IQCM: variants seen among roughly 807,000 people sequenced by gnomAD.
IQCM encodes the protein IQ domain-containing protein M.
IQCM carries 45 observed loss-of-function variants against 57.6 expected under a neutral mutation model. The observed-to-expected ratio is 0.78, with a 90% confidence interval of 0.62 to 1.00. IQCM has a LOEUF of 1.00. IQCM is among the 50% of genes least tolerant of loss of function. The pLI is 0.00. For missense variants in IQCM, 468 were observed against 511.6 expected, an observed-to-expected ratio of 0.91 and a Z score of 0.82; for synonymous variants, 148 against 158.9, an observed-to-expected ratio of 0.93 and a Z score of 0.51.
intron 8 of IQCM, among the ~76,000 whole-genome samples, chr4:149,599,479 G>A (rs1003383738): frequency 1.3e-5 from 2 of 151,628 alleles, no homozygotes; most frequent in Non-Finnish European, 2.9e-5. Flanking sequence ...ATGAAGAGAA[G>A]GAAAAAGACA....
intron 13 of IQCM, among the ~76,000 whole-genome samples, chr4:149,408,181 A>G (rs1733118219): frequency 6.6e-6 from 1 of 152,146 alleles, no homozygotes; most frequent in Non-Finnish European, 1.5e-5. Flanking sequence ...TCAATTTACA[A>G]AAAAATAATG....
chr4:149,782,588 AAG>A (rs1477978763), intron 2 of IQCM, among the ~76,000 whole-genome samples: 1 of 151,478 alleles, frequency 6.6e-6, no homozygotes, highest in Non-Finnish European at 1.5e-5. Context: ...GTGTCAGAGC[AAG>A]AGTCTGTCTC....
intron 13 of IQCM, among the ~76,000 whole-genome samples, chr4:149,411,475 T>G (rs1402294186): frequency 6.6e-6 from 1 of 152,138 alleles, no homozygotes; most frequent in Non-Finnish European, 1.5e-5. Flanking sequence ...AACTAATTTG[T>G]ATTTGGGAAT....
intron 12 of IQCM, among the ~76,000 whole-genome samples, chr4:149,522,295 C>G (rs917551549): frequency 1.3e-5 from 2 of 152,146 alleles, no homozygotes; most frequent in Admixed American, 1.3e-4. Context: ...CTGGCCCTGT[C>G]TGCCAAGATA....
intron 12 of IQCM, among the ~76,000 whole-genome samples, chr4:149,544,582 G>C (rs1025872066): frequency 1.3e-5 from 2 of 152,010 alleles, no homozygotes; most frequent in Non-Finnish European, 2.9e-5. Context: ...TTCCTGAAAA[G>C]CTAAATAAAC....
chr4:149,584,643 T>C (rs1234852516), intron 9 of IQCM, among the ~76,000 whole-genome samples: 2 of 151,752 alleles, frequency 1.3e-5, no homozygotes, highest in Non-Finnish European at 2.9e-5. Flanking sequence ...ATCTTATATA[T>C]ACTTGTACAT....
intron 8 of IQCM, among the ~76,000 whole-genome samples, chr4:149,615,775 C>T (rs550002927): frequency 6.6e-6 from 1 of 152,252 alleles, no homozygotes; most frequent in South Asian, 2.1e-4. Context: ...TTATATTTAT[C>T]TCTCTTCCAA....
chr4:149,376,832 C>T (rs1376206694), intron 13 of IQCM, among the ~76,000 whole-genome samples: 2 of 152,064 alleles, frequency 1.3e-5, no homozygotes, highest in Non-Finnish European at 2.9e-5. Context: ...CATCTTTCTG[C>T]TCTTTGAAAA....
At chr4:149,793,611 A>G (rs1011981051) in intron 2 of IQCM, 1 of 152,180 alleles carries the variant, frequency 6.6e-6, no homozygotes, top group Non-Finnish European at 1.5e-5. Context: ...ACTTCTACAC[A>G]TTCTGTTGTA....
At chr4:149,759,053 C>T (rs1224220817) in intron 2 of IQCM, among the ~76,000 whole-genome samples, 2 of 152,150 alleles carry the variant, frequency 1.3e-5, no homozygotes, top group Non-Finnish European at 2.9e-5. Flanking sequence ...CCACGATATC[C>T]TTCAGTAGAA....
intron 12 of IQCM, among the ~76,000 whole-genome samples, chr4:149,500,979 G>A (rs537007514): frequency 1.3e-5 from 2 of 152,272 alleles, no homozygotes; most frequent in Admixed American, 1.3e-4. Context: ...TTGCTCTTCA[G>A]TGACTTGAAA....
intron 12 of IQCM, among the ~76,000 whole-genome samples, chr4:149,507,834 T>C (rs1743983581): frequency 6.6e-6 from 1 of 152,040 alleles, no homozygotes; most frequent in Non-Finnish European, 1.5e-5. Context: ...CTCCAGGGCA[T>C]GTGAAAGACC....
chr4:149,775,493 A>G (rs1771009284), intron 2 of IQCM, among the ~76,000 whole-genome samples: 1 of 152,218 alleles, frequency 6.6e-6, no homozygotes. Flanking sequence ...AGATAAAACC[A>G]TCACTTCTAA....
intron 2 of IQCM, among the ~76,000 whole-genome samples, chr4:149,773,918 A>G (rs1311723748): frequency 6.6e-6 from 1 of 152,146 alleles, no homozygotes; most frequent in African/African-American, 2.4e-5. Context: ...TATAGTTGTC[A>G]TCTCAGCCCT....
At chr4:149,747,900 T>C (rs1025062409) in intron 2 of IQCM, among the ~76,000 whole-genome samples, 15 of 152,146 alleles carry the variant, frequency 9.9e-5, no homozygotes, top group African/African-American at 3.4e-4. Context: ...GGATATCACT[T>C]TAGCTAACAC....
chr4:149,542,790 T>C (rs1310868675), intron 12 of IQCM, among the ~76,000 whole-genome samples: 2 of 152,178 alleles, frequency 1.3e-5, no homozygotes, highest in Non-Finnish European at 2.9e-5. Flanking sequence ...AGCAAACTTT[T>C]ATTGTGCACT....
At chr4:149,467,705 T>C (rs758399986) in intron 12 of IQCM, among the ~76,000 whole-genome samples, 14 of 152,192 alleles carry the variant, frequency 9.2e-5, no homozygotes, top group Non-Finnish European at 1.9e-4. Context: ...GCTATCAGAA[T>C]CCAGAAAAGT....
chr4:149,642,422 A>T (rs1044972652), intron 7 of IQCM, among the ~76,000 whole-genome samples: 2 of 152,212 alleles, frequency 1.3e-5, no homozygotes, highest in African/African-American at 4.8e-5. Flanking sequence ...AGATTCTTCG[A>T]ATAGTTGCTA....
intron 12 of IQCM, among the ~76,000 whole-genome samples, chr4:149,484,050 T>C (rs1039129644): frequency 2.0e-5 from 3 of 152,042 alleles, no homozygotes; most frequent in Non-Finnish European, 2.9e-5. Context: ...TTACAGTTTT[T>C]GTCTTGAAAT....
Sources: allele counts gnomAD v4.1 joint callset (sites outside exome capture counted in the v4.1 genomes callset), GRCh38; gene constraint gnomAD v4.1.1; transcripts MANE v1.5; gene names NCBI Gene and HGNC (gene_info 2026-07-23, HGNC 2026-07-21).